Variants in TTC6 observed in about 807,000 individuals in gnomAD.
TTC6 encodes the protein tetratricopeptide repeat domain 6.
TTC6 carries 172 observed loss-of-function variants against 210.4 expected under a neutral mutation model. The observed-to-expected ratio is 0.82, with a 90% CI of 0.72 to 0.93. TTC6 has a LOEUF of 0.93. Ranked by LOEUF, TTC6 falls within the 40% of genes least tolerant of loss-of-function variation. The probability of loss-of-function intolerance (pLI) is 0.00; values close to 1 mark genes in which losing one functional copy is unlikely to be tolerated. For missense variants in TTC6, 2,414 were observed against 2,318.1 expected (o/e 1.04, Z -0.85); for synonymous variants, 804 against 819.6 (o/e 0.98, Z 0.32).
intron 14 of TTC6, among the ~76,000 whole-genome samples, chr14:37,777,197 A>G (rs192048639): frequency 1.3e-5 from 2 of 152,342 alleles, no homozygotes; most frequent in Admixed American, 1.3e-4. Context: ...AAATTTTCCA[A>G]GTTCCTTGAT....
At chr14:37,682,867 A>C (rs2138562254) in exon 3 of TTC6, 1 of 1,535,746 alleles carries the variant, frequency 6.5e-7, no homozygotes, top group Non-Finnish European at 8.7e-7. Flanking sequence ...AAACCTCAGG[A>C]AATTTCGCAA....
Position 37,812,306 on chromosome 14 carries a change from A to AT in TTC6, c.4570-3dup. On this transcript the variant is annotated splice_polypyrimidine_tract_variant and splice_region_variant and intron_variant, in intron 24 of 30. Transcript: ENST00000553443. ...AGTTGAATCTATGTTACAAATGATTATTTTTAGGCATTAACAGATTATGGA... is the reference window on the plus strand; with the variant it reads ...AGTTGAATCTATGTTACAAATGATTATTTTTTAGGCATTAACAGATTATGGA... The AT allele has an allele frequency of 1.2e-6, 2 of 1,607,774 alleles. No individual in the cohort carries two copies. The highest frequency in any genetic ancestry group is 2.2e-5 in the South Asian group (2 of 89,580).
intron 28 of TTC6, 138 bp downstream of exon 30, chr14:37,826,485 G>T: frequency 1.2e-6 from 1 of 809,776 alleles, no homozygotes. Context: ...TTTAACCCAA[G>T]TGATCCCTAG....
intron 6 of TTC6, among the ~76,000 whole-genome samples, chr14:37,722,374 A>G (rs1306895474): frequency 6.6e-6 from 1 of 152,118 alleles, no homozygotes; most frequent in East Asian, 1.9e-4. Context: ...AGTCTTATTT[A>G]CTAGTTTAAT....
At chr14:37,756,323 A>T (rs906093437) in intron 14 of TTC6, among the ~76,000 whole-genome samples, 12 of 152,182 alleles carry the variant, frequency 7.9e-5, no homozygotes, top group Non-Finnish European at 1.8e-4. Flanking sequence ...TTCTCTTCCT[A>T]TATGAATATG....
At chr14:37,775,355 T>C (rs963508428) in intron 14 of TTC6, among the ~76,000 whole-genome samples, 8 of 152,206 alleles carry the variant, frequency 5.3e-5, no homozygotes, top group Non-Finnish European at 1.0e-4. Flanking sequence ...GTTTCTAATG[T>C]GGGCATTTAG....
At chr14:37,738,666 T>C in intron 9 of TTC6, 110 bp from the exon 12 acceptor site, 1 of 959,322 alleles carries the variant, frequency 1.0e-6, no homozygotes, top group Non-Finnish European at 1.4e-6. Flanking sequence ...AACTTTTAAA[T>C]TAAGTGACCA....
At chr14:37,805,693 T>TTTTG (rs374063299) in intron 21 of TTC6, among the ~76,000 whole-genome samples, 8 of 152,084 alleles carry the variant, frequency 5.3e-5, no homozygotes, top group African/African-American at 1.7e-4. Flanking sequence ...TGAAGTGTTT[T>TTTTG]TTTGTTTGTT....
chr14:37,696,664 C>T, intron 3 of TTC6, 53 bp from the exon 6 acceptor site: 1 of 856,628 alleles, frequency 1.2e-6, no homozygotes, highest in Non-Finnish European at 1.7e-6. Flanking sequence ...AGAGAAAGAT[C>T]TAACTCTCAT....
chr14:37,805,098 A>C lies in TTC6; in HGVS notation c.4164+284A>C, dbSNP rs370246035. Among the ~76,000 whole-genome samples, 16 of 152,330 alleles carry C rather than the reference A, an allele frequency of 1.1e-4. No homozygotes were observed. In the East Asian group the frequency reaches 2.9e-3, roughly 28 times the overall value. On this transcript the variant is annotated intron_variant, in intron 21 of 30. Coordinates refer to ENST00000553443, the Ensembl canonical transcript of TTC6. The stretch of plus-strand genomic sequence containing the variant: ...CTGCAGGAAATTATTACAGTAAAAT[A>C]ATTTTATCACAGTAGTATGAGTTCA...
intron 3 of TTC6, among the ~76,000 whole-genome samples, chr14:37,686,788 A>G (rs1189113411): frequency 6.6e-6 from 1 of 152,184 alleles, no homozygotes; most frequent in Non-Finnish European, 1.5e-5. Flanking sequence ...AACTGCCCCC[A>G]TGATTCACTT....
intron 29 of TTC6, among the ~76,000 whole-genome samples, chr14:37,828,338 A>G (rs1190458915): frequency 6.6e-6 from 1 of 151,352 alleles, no homozygotes; most frequent in African/African-American, 2.4e-5. Flanking sequence ...GTTATTCTTT[A>G]TCTTTTTGAG....
chr14:37,787,394 T>C, intron 14 of TTC6, 74 bp from the exon 17 acceptor site: 1 of 1,009,250 alleles, frequency 9.9e-7, no homozygotes, highest in South Asian at 2.6e-5. Flanking sequence ...AATATAAAAT[T>C]AGTTGTACAG....
At position 37,658,981 on chromosome 14, in the gene TTC6, C is replaced by T. The variant is rs146108422; in HGVS notation, c.940-21170C>T. Among the ~76,000 whole-genome samples, 440 of 152,166 alleles carry T rather than the reference C, an allele frequency of 2.9e-3. 1 individual carries two copies. Among genetic ancestry groups the T allele is most frequent in the African/African-American group, 8.5e-3 (354 of 41,496 alleles). On this transcript the variant is annotated intron_variant, in intron 1 of 30. Coordinates refer to ENST00000553443, the Ensembl canonical transcript of TTC6. ...TGTTGCTCCCTTGTGTCCATGAGTT[C>T]CTTCCTTTGTGTAATTTAGCTCCAA...
At chr14:37,841,494 A>C in exon 30 of TTC6, 1 of 1,594,992 alleles carries the variant, frequency 6.3e-7, no homozygotes, top group East Asian at 2.2e-5. Flanking sequence ...GAAAATGAAT[A>C]TGTTCTCATG....
rs1595298669 is a variant in TTC6, at chr14:37,810,303, A to C, written c.4569+1457A>C. ...CGGAAAGGTAACCCTGAATAGGAAA[A>C]CAATGGGCTGGGCGAGGAGGGAACA... On this transcript the variant is annotated intron_variant, in intron 24 of 30. Transcript: ENST00000553443. Among the ~76,000 whole-genome samples, 3 of 152,318 alleles carry C rather than the reference A, an allele frequency of 2.0e-5. No individual in the cohort carries two copies. The East Asian group carries it at 5.8e-4, about 29-fold the overall frequency.
chr14:37,598,439 G>T lies in TTC6; in HGVS notation c.-235+2431G>T, dbSNP rs1396278834. ...CTCCGGGTAGCCGCCAGCGGAGGAA[G>T]CGGCTCCGCCCTTCCCGGAAGCTGC... On this transcript the variant is annotated intron_variant, in intron 1 of 2. Coordinates refer to the TTC6 transcript ENST00000556845. This position sits in a 1 kb window ranked among gnomAD's most constrained non-coding sequence, Gnocchi z 4.9. Among the ~76,000 whole-genome samples the T allele has an allele frequency of 6.6e-6, 1 of 152,226 alleles. No individual in the cohort carries two copies. The highest frequency in any genetic ancestry group is 1.5e-5 in the Non-Finnish European group (1 of 68,036).
intron 5 of TTC6, among the ~76,000 whole-genome samples, chr14:37,713,448 G>A (rs1490739901): frequency 6.6e-6 from 1 of 152,144 alleles, no homozygotes; most frequent in African/African-American, 2.4e-5. Context: ...ATGTTGGCTA[G>A]GCTGGTCTTG....
intron 3 of TTC6, among the ~76,000 whole-genome samples, chr14:37,693,942 A>T (rs1408543711): frequency 6.6e-6 from 1 of 151,660 alleles, no homozygotes; most frequent in Non-Finnish European, 1.5e-5. Context: ...TTGATTAAAT[A>T]ATTAAATCTA....
Sources: allele counts gnomAD v4.1 joint callset (sites outside exome capture counted in the v4.1 genomes callset), GRCh38; gene constraint gnomAD v4.1.1; non-coding constraint Gnocchi (gnomAD v3.1); transcripts MANE v1.5; gene names NCBI Gene and HGNC (gene_info 2026-07-23, HGNC 2026-07-21).